The following LRBA variants were observed in gnomAD, a reference collection of about 807,000 sequenced individuals.
LRBA encodes LPS responsive beige-like anchor protein.
In LRBA, 176 loss-of-function variants were observed where a neutral mutation model predicts 330.0. The ratio of observed to expected loss-of-function variants is 0.53; its 90% CI spans 0.47 to 0.60. The LOEUF is 0.60. LRBA is among the 20% of genes least tolerant of loss of function. The pLI is 0.00. For synonymous variants in LRBA, 1,230 were observed against 1,193.0 expected (o/e 1.03, Z -0.64); for missense variants, 3,259 against 3,444.8 (o/e 0.95, Z 1.35).
chr4:150,974,001 T>C (rs1346310060), intron 2 of LRBA, among the ~76,000 whole-genome samples: 2 of 152,346 alleles, frequency 1.3e-5, no homozygotes, highest in East Asian at 1.9e-4. Context: ...AATATTCATG[T>C]TCAGCAGGCA....
intron 48 of LRBA, among the ~76,000 whole-genome samples, chr4:150,330,863 A>G (rs1733908505): frequency 6.6e-6 from 1 of 152,200 alleles, no homozygotes; most frequent in Non-Finnish European, 1.5e-5. Flanking sequence ...ATAGCAAGCT[A>G]GCCAGGAACC....
chr4:150,317,120 G>T (rs1054145158), intron 50 of LRBA, among the ~76,000 whole-genome samples: 2 of 152,074 alleles, frequency 1.3e-5, no homozygotes, highest in Non-Finnish European at 2.9e-5. Context: ...CTGCACCCTG[G>T]TTTTTTCAGG....
At chr4:150,710,891 G>A (rs566713249) in intron 36 of LRBA, among the ~76,000 whole-genome samples, 4 of 151,800 alleles carry the variant, frequency 2.6e-5, no homozygotes, top group East Asian at 3.9e-4. Context: ...ATATCAGTTC[G>A]GTTGGCTAAA....
At chr4:150,929,144 T>A (rs1734197256) in intron 2 of LRBA, 79 bp from the exon 3 acceptor site, 2 of 804,274 alleles carry the variant, frequency 2.5e-6, no homozygotes, top group Non-Finnish European at 3.9e-6. Flanking sequence ...AACATTAGAT[T>A]AACAATAACT....
chr4:150,837,124 C>T (rs1176713873), intron 28 of LRBA, among the ~76,000 whole-genome samples: 1 of 152,170 alleles, frequency 6.6e-6, no homozygotes, highest in Non-Finnish European at 1.5e-5. Flanking sequence ...TTTCTTAATC[C>T]TGAGTTCTAG....
At chr4:150,984,150 T>C (rs1206602192) in intron 2 of LRBA, among the ~76,000 whole-genome samples, 1 of 152,164 alleles carries the variant, frequency 6.6e-6, no homozygotes, top group Non-Finnish European at 1.5e-5. Flanking sequence ...AACTAGCTAA[T>C]TTCATTCAAC....
intron 5 of LRBA, among the ~76,000 whole-genome samples, chr4:150,920,432 G>C (rs61668839): frequency 0.098 from 14,861 of 151,914 alleles, 1,574 homozygotes; most frequent in African/African-American, 0.27. Flanking sequence ...ACTTGTAATC[G>C]CAGCTACTCA....
intron 38 of LRBA, among the ~76,000 whole-genome samples, chr4:150,595,081 A>G (rs1773337991): frequency 6.6e-6 from 1 of 151,998 alleles, no homozygotes; most frequent in Admixed American, 6.6e-5. Flanking sequence ...AAAAATGGGT[A>G]TCTACTTATG....
intron 14 of LRBA, among the ~76,000 whole-genome samples, chr4:150,899,304 T>C (rs553860081): frequency 6.6e-6 from 1 of 152,318 alleles, no homozygotes; most frequent in South Asian, 2.1e-4. Context: ...GGCTGCTTGC[T>C]ACTACAAAGG....
chr4:150,948,185 G>T (rs1034693078), intron 2 of LRBA, among the ~76,000 whole-genome samples: 7 of 151,994 alleles, frequency 4.6e-5, no homozygotes, highest in Non-Finnish European at 1.0e-4. Flanking sequence ...AATCTTGAAA[G>T]AGAAAGATAA....
intron 40 of LRBA, among the ~76,000 whole-genome samples, chr4:150,543,349 A>T (rs561837519): frequency 2.6e-5 from 4 of 152,276 alleles, no homozygotes; most frequent in Admixed American, 1.3e-4. Context: ...CTTAGAAAGG[A>T]GATACTATCC....
At chr4:150,367,752 C>G (rs1739663886) in intron 47 of LRBA, among the ~76,000 whole-genome samples, 1 of 152,132 alleles carries the variant, frequency 6.6e-6, no homozygotes, top group Non-Finnish European at 1.5e-5. Flanking sequence ...ATACCCTAAG[C>G]TACTTTTAGT....
chr4:150,461,528 T>C (rs2152050342), intron 44 of LRBA, among the ~76,000 whole-genome samples: 1 of 151,888 alleles, frequency 6.6e-6, no homozygotes, highest in African/African-American at 2.4e-5. Flanking sequence ...TCATGGTGCA[T>C]TAGTTTCTGC....
At chr4:150,361,668 T>C (rs996473438) in intron 47 of LRBA, among the ~76,000 whole-genome samples, 1 of 152,200 alleles carries the variant, frequency 6.6e-6, no homozygotes, top group Non-Finnish European at 1.5e-5. Flanking sequence ...GCCCTCTGCC[T>C]CTGGTATAAC....
intron 22 of LRBA, among the ~76,000 whole-genome samples, chr4:150,864,478 T>G (rs1752418017): frequency 6.6e-6 from 1 of 152,082 alleles, no homozygotes. Context: ...CTCTTTAAAG[T>G]TTGGCTTCAT....
chr4:150,932,716 G>A (rs1734647496), intron 2 of LRBA, among the ~76,000 whole-genome samples: 1 of 152,036 alleles, frequency 6.6e-6, no homozygotes, highest in South Asian at 2.1e-4. Context: ...AGGAGTTTAA[G>A]ATGAGCCAAG....
chr4:150,781,237 C>T (rs920239675), intron 34 of LRBA, among the ~76,000 whole-genome samples: 1 of 152,142 alleles, frequency 6.6e-6, no homozygotes, highest in Admixed American at 6.5e-5. Flanking sequence ...TATAATGAAC[C>T]ATAATGTAGA....
intron 37 of LRBA, among the ~76,000 whole-genome samples, chr4:150,636,359 A>G (rs2126691908): frequency 6.6e-6 from 1 of 152,188 alleles, no homozygotes; most frequent in African/African-American, 2.4e-5. Context: ...AATATTATCT[A>G]TTTTGACGTT....
intron 34 of LRBA, among the ~76,000 whole-genome samples, chr4:150,794,115 G>A (rs1740402927): frequency 6.6e-6 from 1 of 152,144 alleles, no homozygotes; most frequent in African/African-American, 2.4e-5. Flanking sequence ...AGAAAGAGGG[G>A]CAGCTTAGGG....
Sources: allele counts gnomAD v4.1 joint callset (sites outside exome capture counted in the v4.1 genomes callset), GRCh38; gene constraint gnomAD v4.1.1; transcripts MANE v1.5; gene names NCBI Gene and HGNC (gene_info 2026-07-23, HGNC 2026-07-21).